The following PRPF8 variants were observed in gnomAD, a reference collection of about 807,000 sequenced individuals.
PRPF8 encodes pre-mRNA-processing-splicing factor 8.
Under a neutral mutation model 285.9 loss-of-function variants are expected in PRPF8, and 64 were observed. The observed-to-expected ratio is 0.22, with a 90% CI of 0.18 to 0.28. PRPF8 has a LOEUF of 0.28. Ranked by LOEUF, PRPF8 falls within the 10% of genes least tolerant of loss-of-function variation. PRPF8 has a pLI of 1.00. For missense variants in PRPF8, 1,426 were observed against 3,026.7 expected (o/e 0.47, Z 12.41); for synonymous variants, 1,325 against 1,118.2 (o/e 1.18, Z -3.69).
At chr17:1,664,728 A>C (rs1911864275) in intron 24 of PRPF8, among the ~76,000 whole-genome samples, 1 of 152,220 alleles carries the variant, frequency 6.6e-6, no homozygotes, top group Admixed American at 6.5e-5. Context: ...AATGGAATCA[A>C]AGCAGAAACT....
At chr17:1,656,244 T>C in intron 36 of PRPF8, 148 bp downstream of exon 36, 1 of 1,072,194 alleles carries the variant, frequency 9.3e-7, no homozygotes, top group Non-Finnish European at 1.4e-6. Flanking sequence ...TTTTTAACTT[T>C]AAGGTCTTAA....
intron 14 of PRPF8, 88 bp downstream of exon 14, chr17:1,677,477 T>G (rs749282087): frequency 3.2e-6 from 5 of 1,583,006 alleles, no homozygotes; most frequent in Non-Finnish European, 4.3e-6. Flanking sequence ...GGAAGAGTGC[T>G]CATACAAGAG....
chr17:1,651,638 T>TC lies in PRPF8; in HGVS notation c.6510+9dup. On this transcript the variant is annotated intron_variant, in intron 40 of 42. Coordinates refer to ENST00000304992, the MANE Select transcript of PRPF8 (RefSeq NM_006445.4). The surrounding 1 kb of genome is among the most constrained non-coding windows in gnomAD (Gnocchi z 5.1). ...TTTCCACACTCCCAGGCTCCATCAC[T>TC]CCCCATTACCTTGAGGTACTCATGC... 6.2e-7 allele frequency: 1 copy of TC among 1,614,054 alleles called. No individual in the cohort carries two copies. The highest frequency in any genetic ancestry group is 1.3e-5 in the African/African-American group (1 of 74,992).
At position 1,677,135 on chromosome 17, in the gene PRPF8, C is replaced by T; in HGVS notation, c.2022G>A (p.Lys674=). Residue 674 remains lysine (K), a synonymous_variant, in exon 15 of 43, where the codon AAG becomes AAA. Transcript: ENST00000304992. ...GGTCAAAATGTGACTCCACTCGCTGCTTTGTTACTGTCTTTGCCACCCCCT... is the reference window on the plus strand; with the variant it reads ...GGTCAAAATGTGACTCCACTCGCTGTTTTGTTACTGTCTTTGCCACCCCCT... ...HSKGVAKTVT[K]QRVESHFDLE... is the part of the protein sequence containing the mutation. 1 of 1,613,922 alleles carries T rather than the reference C, an allele frequency of 6.2e-7. No homozygotes were observed. Among genetic ancestry groups the T allele is most frequent in the Non-Finnish European group, 8.5e-7 (1 of 1,180,012 alleles).
chr17:1,655,632 T>C, intron 36 of PRPF8, 89 bp from the exon 37 acceptor site: 2 of 1,244,168 alleles, frequency 1.6e-6, no homozygotes, highest in Non-Finnish European at 2.3e-6. Flanking sequence ...CAAGAATTTT[T>C]TTTTTTTCTT....
intron 37 of PRPF8, 103 bp from the exon 38 acceptor site, chr17:1,654,119 A>G (rs1911220933): frequency 6.5e-7 from 1 of 1,539,530 alleles, no homozygotes; most frequent in Admixed American, 1.7e-5. Context: ...GCCTATACTC[A>G]CGCCCCAGAC....
rs1911062915 is a variant in PRPF8, at chr17:1,651,475, C to T, written c.6589G>A (p.Ala2197Thr). The T allele has an allele frequency of 6.2e-7, 1 of 1,614,050 alleles. No individual in the cohort carries two copies. Among genetic ancestry groups the T allele is most frequent in the African/African-American group, 1.3e-5 (1 of 74,916 alleles). The change falls in exon 41 of 43, where the codon GCC becomes ACC. Residue 2197 changes from alanine to threonine, a missense_variant. Ala to Thr is a moderately conservative substitution (Grantham distance 58). This residue lies in a region of PRPF8 where 160 missense variants were observed against 373.7 expected (regional missense o/e 0.43). Coordinates refer to ENST00000304992, the MANE Select transcript of PRPF8 (RefSeq NM_006445.4). This position sits in a 1 kb window ranked among gnomAD's most constrained non-coding sequence, Gnocchi z 5.1. ...QLSPQDVTTH[A>T]KIMADNPSWD... ...GATGGGTTGTCAGCCATGATCTTGG[C>T]ATGGGTGGTGACATCCTGGGGTGAT... is the stretch of plus-strand genomic sequence containing the variant.
chr17:1,660,812 G>A lies in PRPF8; in HGVS notation c.4524C>T (p.Gly1508=), dbSNP rs144851263. 310 of 1,613,880 alleles carry A rather than the reference G, an allele frequency of 1.9e-4. 1 individual carries two copies. Among genetic ancestry groups the A allele is most frequent in the African/African-American group, 1.1e-3 (81 of 75,016 alleles). Reference sequence around the variant, plus strand: ...TCTTCCACTTCATAGATTCCTCAAAGCCACTGGCCTTCTCCCTGGGGAGCA... The same window carrying A: ...TCTTCCACTTCATAGATTCCTCAAAACCACTGGCCTTCTCCCTGGGGAGCA... ...WEGLFWEKAS[G]FEESMKWKKL... The change falls in exon 29 of 43, where the codon GGC becomes GGT. Residue 1508 remains glycine, a synonymous_variant. Coordinates refer to ENST00000304992, the MANE Select transcript of PRPF8 (RefSeq NM_006445.4).
chr17:1,682,870 G>T (rs1052987129), intron 3 of PRPF8, among the ~76,000 whole-genome samples: 4 of 152,174 alleles, frequency 2.6e-5, no homozygotes, highest in African/African-American at 9.7e-5. Context: ...AACAGGAGTA[G>T]GGAAACCTCT....
chr17:1,662,856 G>GA (rs141240714), intron 24 of PRPF8, among the ~76,000 whole-genome samples: 12,988 of 142,284 alleles, frequency 0.091, 1,149 homozygotes, highest in African/African-American at 0.23. Context: ...AAAAGAAAAA[G>GA]AAAAAAAAAA....
chr17:1,654,809 T>G (rs1435428448), intron 37 of PRPF8: 1 of 164,334 alleles, frequency 6.1e-6, no homozygotes, highest in Non-Finnish European at 1.3e-5. Flanking sequence ...ATTTTTTTTT[T>G]TTGGTAGAGA....
chr17:1,681,944 C>G lies in PRPF8; in HGVS notation c.529G>C (p.Asp177His), dbSNP rs762291509. The G allele has an allele frequency of 6.2e-7, 1 of 1,613,966 alleles. No individual in the cohort carries two copies. The highest frequency in any genetic ancestry group is 1.1e-5 in the South Asian group (1 of 91,056). Residue 177 changes from aspartate (D) to histidine (H), a missense_variant, in exon 5 of 43, where the codon GAC (aspartate) becomes CAC (histidine). Physicochemically the swap from Asp to His is moderately conservative, Grantham distance 81. Coordinates refer to ENST00000304992, the MANE Select transcript of PRPF8 (RefSeq NM_006445.4). ...ACATCTAGGATGTTGTCAGCATAGTCCAAGGGCGGCTCCTCATCATCAAAA... is the reference window on the plus strand; with the variant it reads ...ACATCTAGGATGTTGTCAGCATAGTGCAAGGGCGGCTCCTCATCATCAAAA... ...PPFDDEEPPLDYADNILDVEP... is the reference protein window; with the variant it reads ...PPFDDEEPPLHYADNILDVEP...
In PRPF8 at chr17:1,673,228, G is replaced by T. The variant is rs112899225; in HGVS notation, c.3658-31C>A. 6 of 1,610,848 alleles carry T rather than the reference G, an allele frequency of 3.7e-6. No individual in the cohort carries two copies. The highest frequency in any genetic ancestry group is 5.1e-6 in the Non-Finnish European group (6 of 1,177,070). On this transcript the variant is annotated intron_variant, in intron 23 of 42. Transcript: ENST00000304992. The surrounding 1 kb of genome is among the most constrained non-coding windows in gnomAD (Gnocchi z 5.5). ...CCACAAAGTCAAGGTTAACATGTCC[G>T]AGGAACTCCCACAGAAGCAAGAGCC...
Position 1,675,367 on chromosome 17 carries a change from C to A in PRPF8, c.2873-28G>T. The A allele has an allele frequency of 6.2e-7, 1 of 1,613,424 alleles. No homozygotes were observed. The highest frequency in any genetic ancestry group is 2.2e-5 in the East Asian group (1 of 44,876). ...GAGGAGTAGCAAGGCAGGTCTCCAG[C>A]AGGTTAGAAATCCTCTTGCAAGACT... On this transcript the variant is annotated intron_variant, in intron 19 of 42. Transcript: ENST00000304992. This position sits in a 1 kb window ranked among gnomAD's most constrained non-coding sequence, Gnocchi z 6.0.
At chr17:1,684,393 G>A in intron 2 of PRPF8, 79 bp downstream of exon 2, 1 of 1,436,460 alleles carries the variant, frequency 7.0e-7, no homozygotes, top group South Asian at 1.1e-5. Context: ...TGCCCAAACG[G>A]GGAGGGTCCC....
Position 1,680,943 on chromosome 17 carries a change from A to G in PRPF8, c.978T>C (p.His326=). ...FPYLYNNLPH[H]VHLTWYHTPN... is the part of the protein sequence containing the mutation. ...AGGTCTCTTACCAGGTGAGGTGGAC[A>G]TGGTGTGGAAGATTGTTGTACAAGT... is the stretch of plus-strand genomic sequence containing the variant. Residue 326 remains histidine, a synonymous_variant, in exon 7 of 43, where the codon CAT becomes CAC. Transcript: ENST00000304992. The G allele has an allele frequency of 1.9e-6, 3 of 1,614,160 alleles. No homozygotes were observed. The highest frequency in any genetic ancestry group is 2.5e-6 in the Non-Finnish European group (3 of 1,180,012).
At position 1,661,514 on chromosome 17, in the gene PRPF8, C is replaced by CCATACAACCATGGCATGCTCTGA. The variant is rs1911675649; in HGVS notation, c.4202+74_4202+96dup. ...GTCAGTAGAACCAGCCTTCTCACCT[C>CCATACAACCATGGCATGCTCTGA]CATACAACCATGGCATGCTCTGACC... is the stretch of plus-strand genomic sequence containing the variant. On this transcript the variant is annotated intron_variant, in intron 26 of 42. Transcript: ENST00000304992. This position sits in a 1 kb window ranked among gnomAD's most constrained non-coding sequence, Gnocchi z 7.3. The CCATACAACCATGGCATGCTCTGA allele has an allele frequency of 6.2e-7, 1 of 1,607,458 alleles. No individual in the cohort carries two copies. Among genetic ancestry groups the CCATACAACCATGGCATGCTCTGA allele is most frequent in the Non-Finnish European group, 8.5e-7 (1 of 1,176,742 alleles).
intron 24 of PRPF8, among the ~76,000 whole-genome samples, chr17:1,670,099 T>C (rs748957871): frequency 6.6e-6 from 1 of 152,126 alleles, no homozygotes; most frequent in Non-Finnish European, 1.5e-5. Context: ...AGATCATCAA[T>C]TAAAGAGGCA....
intron 8 of PRPF8, among the ~76,000 whole-genome samples, chr17:1,680,128 A>T (rs143403424): frequency 1.3e-5 from 2 of 152,310 alleles, no homozygotes; most frequent in Non-Finnish European, 2.9e-5. Flanking sequence ...AACGGAACAC[A>T]GATGAGCATC....
Sources: gnomAD v4.1 joint callset for allele counts (sites outside exome capture counted in the v4.1 genomes callset) on GRCh38, gnomAD v4.1.1 for gene constraint, gnomAD v4.1.1 regional missense constraint, Gnocchi (gnomAD v3.1) non-coding constraint, MANE v1.5 for transcripts, NCBI Gene and HGNC (gene_info 2026-07-23, HGNC 2026-07-21) for gene names.